THAP5: variants seen among roughly 807,000 people sequenced by gnomAD.
THAP5 encodes THAP domain containing 5.
THAP5 carries 26 observed loss-of-function variants against 34.0 expected under a neutral mutation model. That is an observed-to-expected ratio of 0.77 (90% confidence interval 0.56 to 1.06). The LOEUF (loss-of-function observed/expected upper bound fraction) is 1.06, where lower values mean the gene tolerates loss of function less well. Ranked by LOEUF, THAP5 falls within the 50% of genes least tolerant of loss-of-function variation. The probability of loss-of-function intolerance (pLI) is 0.00; values close to 1 mark genes in which losing one functional copy is unlikely to be tolerated. For missense variants in THAP5, 394 were observed against 452.8 expected, an observed-to-expected ratio of 0.87 and a Z score of 1.18; for synonymous variants, 125 against 153.0, an observed-to-expected ratio of 0.82 and a Z score of 1.35.
the THAP5 span, among the ~76,000 whole-genome samples, chr7:108,545,982 G>C: frequency 3.3e-5 from 5 of 151,980 alleles, no homozygotes; most frequent in African/African-American, 1.2e-4. Flanking sequence ...TACACAGTAG[G>C]GCAAAAGAGC....
At chr7:108,543,448 CT>C in the THAP5 span, among the ~76,000 whole-genome samples, 1 of 152,158 alleles carries the variant, frequency 6.6e-6, no homozygotes, top group Non-Finnish European at 1.5e-5. Flanking sequence ...AGAATAGGTT[CT>C]GCCCTCTATC....
chr7:108,567,625 T>C (rs1260542774), intron 1 of THAP5, among the ~76,000 whole-genome samples: 4 of 152,222 alleles, frequency 2.6e-5, no homozygotes, highest in Admixed American at 6.5e-5. Context: ...CATTGTCTTA[T>C]GTAATTCCCC....
rs542799056 is a variant in THAP5, at chr7:108,562,211, A to C, written c.*1980T>G. 111 of 152,350 alleles carry C rather than the reference A, an allele frequency of 7.3e-4. No individual in the cohort carries two copies. Among genetic ancestry groups the C allele is most frequent in the African/African-American group, 2.6e-3 (108 of 41,588 alleles). 9.4% of individuals were successfully genotyped at this position (152,350 alleles called of 1,614,324 possible). On this transcript the variant is annotated 3_prime_UTR_variant, in exon 3 of 3. Transcript: ENST00000415914. ...AGGAACCTGTAACTTTCAGAAAATT[A>C]CTACAATGTACACTGTTGAAACTTA... is the stretch of plus-strand genomic sequence containing the variant.
chr7:108,541,917 A>G, the THAP5 span, among the ~76,000 whole-genome samples: 1 of 152,196 alleles, frequency 6.6e-6, no homozygotes, highest in Admixed American at 6.5e-5. Flanking sequence ...CTTAACCCTT[A>G]AGTTACAACT....
the THAP5 span, among the ~76,000 whole-genome samples, chr7:108,549,430 A>G: frequency 1.3e-5 from 2 of 151,900 alleles, no homozygotes; most frequent in African/African-American, 4.8e-5. Context: ...TATATTTTTA[A>G]AGTTTTGGAT....
chr7:108,566,107 G>C lies in THAP5; in HGVS notation c.81-85C>G, dbSNP rs569902288. On this transcript the variant is annotated intron_variant, in intron 1 of 2. Transcript: ENST00000415914. ...GCCAAATTCCCACCCTATATATCTG[G>C]GTAACCTATGCATCAAGTAAGTACT... 2.8e-5 allele frequency: 32 copies of C among 1,145,594 alleles called. No homozygotes were observed. In the South Asian group the frequency reaches 4.4e-4, roughly 16 times the overall value. 71.0% of individuals were successfully genotyped at this position (1,145,594 alleles called of 1,614,324 possible).
In THAP5 at chr7:108,563,955, G is replaced by C; in HGVS notation, c.*236C>G. ...TCATGTTATAACTGAATCCTTCTAT[G>C]TGCTAAATTTTAATTTGGAAAATTA... On this transcript the variant is annotated 3_prime_UTR_variant, in exon 3 of 3. Transcript: ENST00000415914. 2.8e-6 allele frequency: 1 copy of C among 360,586 alleles called. No individual in the cohort carries two copies. Among genetic ancestry groups the C allele is most frequent in the Non-Finnish European group, 5.0e-6 (1 of 200,808 alleles). 22.3% of individuals were successfully genotyped at this position (360,586 alleles called of 1,614,324 possible). A position where few individuals can be genotyped will look rare whatever the true frequency, so the allele number is the denominator to read the frequency against.
At position 108,569,601 on chromosome 7, in the gene THAP5, G is replaced by A. The variant is rs376968497; in HGVS notation, c.-32C>T. 16 of 1,549,350 alleles carry A rather than the reference G, an allele frequency of 1.0e-5. No homozygotes were observed. The highest frequency in any genetic ancestry group is 1.9e-4 in the Middle Eastern group (1 of 5,178). On this transcript the variant is annotated 5_prime_UTR_variant, in exon 1 of 3. Transcript: ENST00000415914. ...GGTGAGGCCCCTGGAGACCGGGGCC[G>A]GCGACGGATGCAGGGCGGCCCTCCT... is the stretch of plus-strand genomic sequence containing the variant.
the THAP5 span, among the ~76,000 whole-genome samples, chr7:108,545,876 A>C: frequency 0.034 from 5,147 of 152,168 alleles, 112 homozygotes; most frequent in Middle Eastern, 0.051. Context: ...CTTTTCTCTC[A>C]TTTAAGTCTT....
At chr7:108,565,458 C>G (rs2154518081) in intron 2 of THAP5, 1 of 183,590 alleles carries the variant, frequency 5.4e-6, no homozygotes, top group South Asian at 1.4e-4. Context: ...ATCCCAGCTA[C>G]TCAGGAGGCT....
At chr7:108,543,114 A>C in the THAP5 span, among the ~76,000 whole-genome samples, 1 of 151,532 alleles carries the variant, frequency 6.6e-6, no homozygotes, top group Non-Finnish European at 1.5e-5. Flanking sequence ...TTTTTAGTAG[A>C]GACTGAGTTT....
rs1313163398 is a variant in THAP5, at chr7:108,562,244, ATTACT to A, written c.*1942_*1946del. 1 of 151,786 alleles carries A rather than the reference ATTACT, an allele frequency of 6.6e-6. No individual in the cohort carries two copies. The highest frequency in any genetic ancestry group is 6.6e-5 in the Admixed American group (1 of 15,218). The allele number at this position is 151,786 out of a possible 1,614,324, so 9.4% of individuals were successfully genotyped here. On this transcript the variant is annotated 3_prime_UTR_variant, in exon 3 of 3. Coordinates refer to ENST00000415914, the MANE Select transcript of THAP5 (RefSeq NM_001130475.3). ...GTACACTGTTGAAACTTAACATATC[ATTACT>A]TTATTGTGACTCAAGATTATTTTCA...
chr7:108,555,627 A>G (rs1301066079), intron 1 of THAP5, among the ~76,000 whole-genome samples: 2 of 152,042 alleles, frequency 1.3e-5, no homozygotes, highest in East Asian at 3.9e-4. Context: ...CAGTCTGTAT[A>G]GGAAGCATGG....
In THAP5 at chr7:108,564,695, A is replaced by T; in HGVS notation, c.684T>A (p.Thr228=). The part of the protein sequence containing the change: ...SLETQEVLEV[T]TSHLANPNFT... The stretch of plus-strand genomic sequence containing the variant: ...AGTTTGGATTAGCAAGATGACTGGT[A>T]GTTACTTCAAGAACTTCTTGAGTTT... Residue 228 remains threonine (T), a synonymous_variant, in exon 3 of 3, where the codon ACT becomes ACA. Transcript: ENST00000415914. The T allele has an allele frequency of 8.1e-6, 13 of 1,613,956 alleles. No homozygotes were observed. Among genetic ancestry groups the T allele is most frequent in the Non-Finnish European group, 1.1e-5 (13 of 1,179,938 alleles).
At chr7:108,542,523 C>A in the THAP5 span, among the ~76,000 whole-genome samples, 2 of 152,182 alleles carry the variant, frequency 1.3e-5, no homozygotes, top group African/African-American at 4.8e-5. Flanking sequence ...AGTGCAGTGG[C>A]ACGATCTCGG....
At chr7:108,547,086 A>G in the THAP5 span, among the ~76,000 whole-genome samples, 6 of 152,196 alleles carry the variant, frequency 3.9e-5, no homozygotes, top group Non-Finnish European at 7.4e-5. Context: ...CATATTATTT[A>G]ATGTTCCAAA....
chr7:108,565,212 T>G (rs1790459011), intron 2 of THAP5, 107 bp from the exon 3 acceptor site: 1 of 900,314 alleles, frequency 1.1e-6, no homozygotes, highest in Non-Finnish European at 1.6e-6. Flanking sequence ...AGCAAATTTA[T>G]TTAGTTAAAA....
chr7:108,557,736 T>C (rs772202557), downstream of THAP5, among the ~76,000 whole-genome samples: 1 of 152,200 alleles, frequency 6.6e-6, no homozygotes, highest in Admixed American at 6.5e-5. Flanking sequence ...GCCCTCCAAA[T>C]TGTTCCAACC....
At chr7:108,546,589 T>A in the THAP5 span, among the ~76,000 whole-genome samples, 2 of 152,154 alleles carry the variant, frequency 1.3e-5, no homozygotes, top group Non-Finnish European at 2.9e-5. Context: ...ATTTGTGGGA[T>A]CATTTTATCT....
Sources: gnomAD v4.1 joint callset for allele counts (sites outside exome capture counted in the v4.1 genomes callset) on GRCh38, gnomAD v4.1.1 for gene constraint, MANE v1.5 for transcripts, NCBI Gene and HGNC (gene_info 2026-07-23, HGNC 2026-07-21) for gene names.